The following ADCY5 variants were observed in gnomAD, a reference collection of about 807,000 sequenced individuals.
ADCY5 encodes adenylate cyclase 5, also known as adenylate cyclase type 5.
ADCY5 carries 30 observed loss-of-function variants against 119.7 expected under a neutral mutation model. The ratio of observed to expected loss-of-function variants is 0.25; its 90% CI spans 0.19 to 0.34. ADCY5 has a LOEUF of 0.34. ADCY5 is among the 10% of genes least tolerant of loss of function. The pLI, the probability that ADCY5 is intolerant of heterozygous loss-of-function variation, is 1.00. For synonymous variants in ADCY5, 753 were observed against 762.2 expected, an observed-to-expected ratio of 0.99 and a Z score of 0.20; for missense variants, 1,324 against 1,775.2, an observed-to-expected ratio of 0.75 and a Z score of 4.57.
chr3:123,317,998 C>G, intron 11 of ADCY5, 22 bp downstream of exon 11: 1 of 1,604,680 alleles, frequency 6.2e-7, no homozygotes, highest in Non-Finnish European at 8.5e-7. Context: ...GGAAGGAGCC[C>G]AAGAGGGACG....
chr3:123,389,509 C>T (rs1944339177), intron 1 of ADCY5, among the ~76,000 whole-genome samples: 1 of 152,052 alleles, frequency 6.6e-6, no homozygotes, highest in Non-Finnish European at 1.5e-5. Context: ...GAGAGCTAAG[C>T]ACCCCCACAC....
chr3:123,422,460 G>C, intron 1 of ADCY5, among the ~76,000 whole-genome samples: 1 of 152,222 alleles, frequency 6.6e-6, no homozygotes. Flanking sequence ...GCTAGATGGA[G>C]ACACTGAGGG....
At chr3:123,343,036 C>T (rs928745660) in intron 3 of ADCY5, among the ~76,000 whole-genome samples, 2 of 152,236 alleles carry the variant, frequency 1.3e-5, no homozygotes, top group African/African-American at 2.4e-5. Context: ...GGATGCTGCT[C>T]CTCTGTGCCT....
intron 1 of ADCY5, among the ~76,000 whole-genome samples, chr3:123,439,566 T>A (rs1432283234): frequency 6.6e-6 from 1 of 152,218 alleles, no homozygotes; most frequent in Non-Finnish European, 1.5e-5. Flanking sequence ...TTATCACAAG[T>A]ATAGATATAC....
chr3:123,290,267 C>A (rs1343817633), intron 18 of ADCY5, among the ~76,000 whole-genome samples: 2 of 152,198 alleles, frequency 1.3e-5, no homozygotes, highest in African/African-American at 4.8e-5. Flanking sequence ...CTCACACCTC[C>A]ATCCCACCCA....
At chr3:123,424,151 G>A (rs544368161) in intron 1 of ADCY5, among the ~76,000 whole-genome samples, 19 of 152,378 alleles carry the variant, frequency 1.2e-4, no homozygotes, top group African/African-American at 3.1e-4. Context: ...CTGTGCACAC[G>A]CACGTGGGAC....
intron 17 of ADCY5, among the ~76,000 whole-genome samples, chr3:123,294,173 TGGA>T (rs982407813): frequency 6.6e-6 from 1 of 151,934 alleles, no homozygotes; most frequent in African/African-American, 2.4e-5. Context: ...AGCAAATCAA[TGGA>T]GGAGGAGGGA....
intron 1 of ADCY5, among the ~76,000 whole-genome samples, chr3:123,429,918 T>G (rs11712575): frequency 6.6e-6 from 1 of 151,838 alleles, no homozygotes; most frequent in African/African-American, 2.4e-5. Context: ...GCCCTGGGGG[T>G]GGGGTGTGGA....
chr3:123,397,099 GT>G (rs1944621566), intron 1 of ADCY5, among the ~76,000 whole-genome samples: 1 of 152,224 alleles, frequency 6.6e-6, no homozygotes, highest in East Asian at 1.9e-4. Flanking sequence ...AGCTAAATTT[GT>G]CTCTGTCCTG....
chr3:123,383,444 G>A (rs980130712), intron 1 of ADCY5, among the ~76,000 whole-genome samples: 1 of 152,212 alleles, frequency 6.6e-6, no homozygotes, highest in African/African-American at 2.4e-5. Context: ...AACTGTCAAG[G>A]CTTAGCGGGG....
chr3:123,336,692 C>T (rs1296557208), intron 3 of ADCY5, among the ~76,000 whole-genome samples: 1 of 152,214 alleles, frequency 6.6e-6, no homozygotes, highest in Non-Finnish European at 1.5e-5. Flanking sequence ...CCCTGCACTC[C>T]AACCTCCTGT....
At chr3:123,440,288 G>C (rs1474642470) in intron 1 of ADCY5, among the ~76,000 whole-genome samples, 1 of 152,196 alleles carries the variant, frequency 6.6e-6, no homozygotes, top group Non-Finnish European at 1.5e-5. Flanking sequence ...AGGCAGAGGG[G>C]ACCATGAAAG....
At chr3:123,348,061 G>GTGTGTGTGTGTGTC (rs1347982680) in intron 2 of ADCY5, among the ~76,000 whole-genome samples, 158 bp from the exon 3 acceptor site, 6 of 150,638 alleles carry the variant, frequency 4.0e-5, no homozygotes, top group African/African-American at 1.5e-4. Flanking sequence ...GTGTGTGTGT[G>GTGTGTGTGTGTGTC]TGTCTGTGCA....
intron 1 of ADCY5, among the ~76,000 whole-genome samples, chr3:123,373,763 C>CCA (rs763587932): frequency 5.9e-5 from 2 of 33,724 alleles, no homozygotes; most frequent in Non-Finnish European, 1.8e-4. Context: ...ATCACGCCCC[C>CCA]CCCCCCCCGA....
chr3:123,290,741 C>A (rs1321166487), intron 18 of ADCY5, among the ~76,000 whole-genome samples: 1 of 152,126 alleles, frequency 6.6e-6, no homozygotes, highest in Non-Finnish European at 1.5e-5. Flanking sequence ...GCCCTGGGAC[C>A]CCATGCACCC....
intron 14 of ADCY5, among the ~76,000 whole-genome samples, chr3:123,302,490 G>A (rs984293778): frequency 6.6e-6 from 1 of 152,148 alleles, no homozygotes. Flanking sequence ...TTTGGGACTG[G>A]GTTCCTTTGC....
At position 123,332,681 on chromosome 3, in the gene ADCY5, G is replaced by A. The variant is rs375854245; in HGVS notation, c.1407-6C>T. ...CGATGTCAGCAAACAGGATGCTGGG[G>A]GACAGGCAGAGGAGGAAGACCCTGC... On this transcript the variant is annotated splice_region_variant and splice_polypyrimidine_tract_variant and intron_variant, in intron 3 of 20. Transcript: ENST00000462833. 6.3e-7 allele frequency: 1 copy of A among 1,593,072 alleles called. No homozygotes were observed. Among genetic ancestry groups the A allele is most frequent in the Non-Finnish European group, 8.6e-7 (1 of 1,161,598 alleles).
At chr3:123,392,251 T>C (rs1944419891) in intron 1 of ADCY5, among the ~76,000 whole-genome samples, 3 of 152,230 alleles carry the variant, frequency 2.0e-5, no homozygotes, top group South Asian at 2.1e-4. Flanking sequence ...CTTTCTCCTT[T>C]ATACTTTTTT....
At chr3:123,325,652 C>G (rs1941451957) in intron 7 of ADCY5, among the ~76,000 whole-genome samples, 190 bp from the exon 8 acceptor site, 1 of 152,216 alleles carries the variant, frequency 6.6e-6, no homozygotes, top group Admixed American at 6.5e-5. Flanking sequence ...TCTCTCCAAA[C>G]TCCCTAATGC....
Sources: gnomAD v4.1 joint callset for allele counts (sites outside exome capture counted in the v4.1 genomes callset) on GRCh38, gnomAD v4.1.1 for gene constraint, MANE v1.5 for transcripts, NCBI Gene and HGNC (gene_info 2026-07-23, HGNC 2026-07-21) for gene names.